Variants in ZWINT observed in about 807,000 individuals in gnomAD.
ZWINT encodes the protein outer kinetochore KNL1 complex subunit ZWINT.
A neutral mutation model predicts 41.5 loss-of-function variants in ZWINT; 41 were observed. The observed-to-expected ratio is 0.99, with a 90% CI of 0.77 to 1.28. ZWINT has a LOEUF of 1.28. Ranked by LOEUF, ZWINT falls within the 50% of genes most tolerant of loss-of-function variation. The pLI, the probability that ZWINT is intolerant of heterozygous loss-of-function variation, is 0.00. For synonymous variants in ZWINT, 132 were observed against 126.8 expected (o/e 1.04, Z -0.28); for missense variants, 369 against 329.7 (o/e 1.12, Z -0.92).
At chr10:56,358,299 T>C (rs1838219702) in intron 8 of ZWINT, 78 bp downstream of exon 8, 1 of 1,191,712 alleles carries the variant, frequency 8.4e-7, no homozygotes, top group Non-Finnish European at 1.3e-6. Flanking sequence ...AGAGCTCAGA[T>C]GCAGAGAGAG....
chr10:56,359,634 C>A, intron 4 of ZWINT, 53 bp downstream of exon 4: 1 of 1,609,614 alleles, frequency 6.2e-7, no homozygotes. Context: ...CACTCTTTCC[C>A]TCTTCCTTTC....
chr10:56,360,139 G>C lies in ZWINT; in HGVS notation c.135C>G (p.Asp45Glu). The C allele has an allele frequency of 6.2e-7, 1 of 1,613,942 alleles. No individual in the cohort carries two copies. The highest frequency in any genetic ancestry group is 8.5e-7 in the Non-Finnish European group (1 of 1,180,030). The change falls in exon 3 of 9, where the codon GAC becomes GAG. Residue 45 changes from aspartate to glutamate, a missense_variant and splice_region_variant. Coordinates refer to ENST00000373944, the MANE Select transcript of ZWINT (RefSeq NM_007057.4). ...AGAGCAGCTTGTCTTTCTTCTGAGAGTCCTGCTCAGAGGGAGGGCAGAGAC... is the reference window on the plus strand; with the variant it reads ...AGAGCAGCTTGTCTTTCTTCTGAGACTCCTGCTCAGAGGGAGGGCAGAGAC... ...PAKILVEFVV[D>E]SQKKDKLLCS...
intron 5 of ZWINT, 92 bp downstream of exon 5, chr10:56,359,381 AAAG>A (rs1248796131): frequency 8.2e-7 from 1 of 1,217,402 alleles, no homozygotes; most frequent in Non-Finnish European, 1.1e-6. Flanking sequence ...ATAGTGCCTC[AAAG>A]GAGGAAGCAA....
At position 56,358,156 on chromosome 10, in the gene ZWINT, G is replaced by C; in HGVS notation, c.*71C>G. The C allele has an allele frequency of 1.4e-6, 1 of 727,182 alleles. No homozygotes were observed. Among genetic ancestry groups the C allele is most frequent in the South Asian group, 1.4e-5 (1 of 73,348 alleles). 45.0% of individuals were successfully genotyped at this position (727,182 alleles called of 1,614,324 possible). ...AGGAGTTCACAGTCTTTCCTGTAATGATGGTTGGGAGGTGAGGGAAGTCAG... is the reference window on the plus strand; with the variant it reads ...AGGAGTTCACAGTCTTTCCTGTAATCATGGTTGGGAGGTGAGGGAAGTCAG... On this transcript the variant is annotated 3_prime_UTR_variant, in exon 9 of 9. Transcript: ENST00000373944.
At chr10:56,361,271 A>G (rs11005329), upstream of ZWINT, 21,554 of 1,605,600 alleles carry the variant, frequency 0.013, 789 homozygotes, top group Admixed American at 0.1. Context: ...CCTTCCCACA[A>G]TCCCTAAGAT....
Position 56,358,301 on chromosome 10 carries a change from CAG to C in ZWINT, c.*41+74_*41+75del, listed in dbSNP as rs1013612040. Reference sequence around the variant, plus strand: ...CTCCATGGGTAGCAGAGCTCAGATGCAGAGAGAGGTAAACCAGGCTTTCCCTC... The same window carrying C: ...CTCCATGGGTAGCAGAGCTCAGATGCAGAGAGGTAAACCAGGCTTTCCCTC... On this transcript the variant is annotated intron_variant, in intron 8 of 8. Coordinates refer to ENST00000373944, the MANE Select transcript of ZWINT (RefSeq NM_007057.4). 37 of 1,208,938 alleles carry C rather than the reference CAG, an allele frequency of 3.1e-5. No homozygotes were observed. The African/African-American group carries it at 4.2e-4, about 14-fold the overall frequency. 74.9% of individuals were successfully genotyped at this position (1,208,938 alleles called of 1,614,324 possible).
rs80323845 is a variant in ZWINT, at chr10:56,358,614, C to G, written c.734G>C (p.Arg245Pro). The change falls in exon 7 of 9, where the codon CGA (arginine) becomes CCA (proline). Residue 245 changes from arginine (R) to proline (P), a missense_variant. By Grantham distance (103) the Arg-to-Pro change is moderately radical. Transcript: ENST00000373944. ...GTCTCCTGTACTCTGCTCCTGGGGT[C>G]GAGTCGGCTGCTGGGGTTTATCATC... ...LPDDKPQQPT[R>P]PQEQSTGDTM... 6.2e-7 allele frequency: 1 copy of G among 1,614,054 alleles called. No individual in the cohort carries two copies. The highest frequency in any genetic ancestry group is 8.5e-7 in the Non-Finnish European group (1 of 1,180,026).
chr10:56,360,088 G>C lies in ZWINT; in HGVS notation c.186C>G (p.Phe62Leu). 2 of 1,614,140 alleles carry C rather than the reference G, an allele frequency of 1.2e-6. No homozygotes were observed. Among genetic ancestry groups the C allele is most frequent in the Non-Finnish European group, 1.7e-6 (2 of 1,180,034 alleles). The change falls in exon 3 of 9, where the codon TTC becomes TTG. Residue 62 changes from phenylalanine to leucine, a missense_variant. Phe to Leu is a conservative substitution (Grantham distance 22). Transcript: ENST00000373944. ...CCTCCTGAGCCAGGATGTTCTGCAG[G>C]AAATCCGCTACCTGAAGCTGGCTGC... ...LLCSQLQVADFLQNILAQEDT... is the reference protein window; with the variant it reads ...LLCSQLQVADLLQNILAQEDT...
In ZWINT at chr10:56,357,392, G is replaced by A. The variant is rs530450357; in HGVS notation, c.*835C>T. ...ATGAAATAATTATAACAGAATATAG[G>A]AAATGCTATGAATTGAATGATTGTG... On this transcript the variant is annotated 3_prime_UTR_variant, in exon 9 of 9. Coordinates refer to ENST00000373944, the MANE Select transcript of ZWINT (RefSeq NM_007057.4). The A allele has an allele frequency of 6.6e-6, 1 of 152,186 alleles. No homozygotes were observed. Among genetic ancestry groups the A allele is most frequent in the East Asian group, 1.9e-4 (1 of 5,194 alleles). 9.4% of individuals were successfully genotyped at this position (152,186 alleles called of 1,614,324 possible).
At position 56,359,805 on chromosome 10, in the gene ZWINT, G is replaced by A. The variant is rs200578970; in HGVS notation, c.305C>T (p.Thr102Ile). Reference sequence around the variant, plus strand: ...GATGGCCTCTACGTGCTCCCTGTAGGTGGCCTTCAGCTCTTTCCATTGTTC... The same window carrying A: ...GATGGCCTCTACGTGCTCCCTGTAGATGGCCTTCAGCTCTTTCCATTGTTC... Reference protein sequence around the residue: ...AKEQWKELKATYREHVEAIKI... With the variant: ...AKEQWKELKAIYREHVEAIKI... Residue 102 changes from threonine to isoleucine, a missense_variant, in exon 4 of 9, where the codon ACC (threonine) becomes ATC (isoleucine). Thr to Ile is a moderately conservative substitution (Grantham distance 89). Transcript: ENST00000373944. 111 of 1,613,962 alleles carry A rather than the reference G, an allele frequency of 6.9e-5. 1 individual carries two copies. Among genetic ancestry groups the A allele is most frequent in the Non-Finnish European group, 8.7e-5 (103 of 1,180,022 alleles).
At chr10:56,359,993 C>T in intron 3 of ZWINT, 25 bp downstream of exon 3, 1 of 1,612,812 alleles carries the variant, frequency 6.2e-7, no homozygotes. Flanking sequence ...AGGTCAGCTG[C>T]TACTACAATC....
chr10:56,360,068 T>G lies in ZWINT; in HGVS notation c.206A>C (p.Gln69Pro), dbSNP rs116106811. 6.0e-4 allele frequency: 964 copies of G among 1,614,182 alleles called. 8 individuals carry two copies. The African/African-American group carries it at 0.012, about 20-fold the overall frequency. The change falls in exon 3 of 9, where the codon CAG becomes CCG. Residue 69 changes from glutamine (Q) to proline (P), a missense_variant. Gln to Pro is a moderately conservative substitution (Grantham distance 76). Transcript: ENST00000373944. Reference protein sequence around the residue: ...VADFLQNILAQEDTAKGLDPL... With the variant: ...VADFLQNILAPEDTAKGLDPL... Reference sequence around the variant, plus strand: ...GTCGAGACCCTTAGCAGTGTCCTCCTGAGCCAGGATGTTCTGCAGGAAATC... The same window carrying G: ...GTCGAGACCCTTAGCAGTGTCCTCCGGAGCCAGGATGTTCTGCAGGAAATC...
chr10:56,358,032 A>T lies in ZWINT; in HGVS notation c.*195T>A, dbSNP rs1416085041. 3.6e-6 allele frequency: 2 copies of T among 548,270 alleles called. No homozygotes were observed. Among genetic ancestry groups the T allele is most frequent in the Non-Finnish European group, 7.4e-6 (2 of 270,634 alleles). 34.0% of individuals were successfully genotyped at this position (548,270 alleles called of 1,614,324 possible). A position where few individuals can be genotyped will look rare whatever the true frequency, so the allele number is the denominator to read the frequency against. The stretch of plus-strand genomic sequence containing the variant: ...TGTATTAATAGTTGTTCCTGCCAGC[A>T]TATGAAGATGAACAAATACACAACT... On this transcript the variant is annotated 3_prime_UTR_variant, in exon 9 of 9. Coordinates refer to ENST00000373944, the MANE Select transcript of ZWINT (RefSeq NM_007057.4).
intron 4 of ZWINT, 34 bp downstream of exon 4, chr10:56,359,653 C>A: frequency 1.2e-6 from 2 of 1,612,498 alleles, no homozygotes; most frequent in Non-Finnish European, 1.7e-6. Context: ...TCTAACTGCC[C>A]TTCCCTCCCT....
rs1388027803 is a variant in ZWINT at position 56,359,477 on chromosome 10, T to C, written c.479A>G (p.Gln160Arg). 6.5e-7 allele frequency: 1 copy of C among 1,531,544 alleles called. No individual in the cohort carries two copies. Among genetic ancestry groups the C allele is most frequent in the South Asian group, 1.3e-5 (1 of 76,256 alleles). The allele number at this position is 1,531,544 out of a possible 1,614,324, so 94.9% of individuals were successfully genotyped here. A position where few individuals can be genotyped will look rare whatever the true frequency, so the allele number is the denominator to read the frequency against. The change falls in exon 5 of 9, where the codon CAG becomes CGG. Residue 160 changes from glutamine to arginine, a missense_variant and splice_region_variant. Transcript: ENST00000373944. ...RAVQNQWQLQ[Q>R]EKHLQHLAEV... is the part of the protein sequence containing the mutation. ...ATTCTCCTAGGGGGACGAACCTACC[T>C]GTTGTAGCTGCCACTGGTTCTGGAC... is the stretch of plus-strand genomic sequence containing the variant.
At chr10:56,359,347 C>T (rs1838259651) in intron 5 of ZWINT, 129 bp downstream of exon 5, 1 of 839,166 alleles carries the variant, frequency 1.2e-6, no homozygotes, top group Non-Finnish European at 1.8e-6. Flanking sequence ...CACTGAGATT[C>T]AAGCCCATGT....
chr10:56,360,884 C>T (rs984958747), intron 1 of ZWINT, among the ~76,000 whole-genome samples: 1 of 152,026 alleles, frequency 6.6e-6, no homozygotes, highest in South Asian at 2.1e-4. Context: ...TACGAAGGGG[C>T]AGGGATGGGG....
In ZWINT at chr10:56,357,338, A is replaced by T. The variant is rs1351698270; in HGVS notation, c.*889T>A. 2 of 152,182 alleles carry T rather than the reference A, an allele frequency of 1.3e-5. No homozygotes were observed. The highest frequency in any genetic ancestry group is 2.9e-5 in the Non-Finnish European group (2 of 68,008). The allele number at this position is 152,182 out of a possible 1,614,324, so 9.4% of individuals were successfully genotyped here. On this transcript the variant is annotated 3_prime_UTR_variant, in exon 9 of 9. Coordinates refer to ENST00000373944, the MANE Select transcript of ZWINT (RefSeq NM_007057.4). Reference sequence around the variant, plus strand: ...TCTTCTCACAATCAATAGAAGACCAAATTATTTTTCAAAGAAATTTATGAA... The same window carrying T: ...TCTTCTCACAATCAATAGAAGACCATATTATTTTTCAAAGAAATTTATGAA...
Position 56,357,814 on chromosome 10 carries a change from A to G in ZWINT, c.*413T>C, listed in dbSNP as rs1007208468. The G allele has an allele frequency of 9.8e-5, 34 of 346,114 alleles. No homozygotes were observed. The highest frequency in any genetic ancestry group is 7.5e-4 in the South Asian group (34 of 45,066). The allele number at this position is 346,114 out of a possible 1,614,324, so 21.4% of individuals were successfully genotyped here. ...GAACCTTAGCACAAAGAAAGGACTCAACAAACATTTGGATCCATGAATAAA... is the reference window on the plus strand; with the variant it reads ...GAACCTTAGCACAAAGAAAGGACTCGACAAACATTTGGATCCATGAATAAA... On this transcript the variant is annotated 3_prime_UTR_variant, in exon 9 of 9. Coordinates refer to ENST00000373944, the MANE Select transcript of ZWINT (RefSeq NM_007057.4).
Sources: allele counts gnomAD v4.1 joint callset (sites outside exome capture counted in the v4.1 genomes callset), GRCh38; gene constraint gnomAD v4.1.1; transcripts MANE v1.5; gene names NCBI Gene and HGNC (gene_info 2026-07-23, HGNC 2026-07-21).